RAMP1: variants seen among roughly 807,000 people sequenced by gnomAD.
RAMP1 encodes receptor activity-modifying protein 1.
RAMP1 carries 7 observed loss-of-function variants against 8.2 expected under a neutral mutation model. The ratio of observed to expected loss-of-function variants is 0.85; its 90% CI spans 0.49 to 1.60. RAMP1 has a LOEUF of 1.60. RAMP1 is among the 40% of genes most tolerant of loss of function. RAMP1 has a pLI of 0.00. For missense variants in RAMP1, 192 were observed against 202.4 expected (o/e 0.95, Z 0.31); for synonymous variants, 92 against 84.7 (o/e 1.09, Z -0.47).
chr2:237,900,906 G>A (rs934634471), intron 2 of RAMP1, among the ~76,000 whole-genome samples: 2 of 152,214 alleles, frequency 1.3e-5, no homozygotes, highest in Non-Finnish European at 2.9e-5. Flanking sequence ...AGCCGGCTGA[G>A]TCTCTGTAGA....
intron 1 of RAMP1, among the ~76,000 whole-genome samples, chr2:237,864,696 C>T (rs964676766): frequency 3.3e-5 from 5 of 152,242 alleles, no homozygotes; most frequent in African/African-American, 9.6e-5. Context: ...GGCAGCTCCC[C>T]CAGAGGATGA....
intron 2 of RAMP1, among the ~76,000 whole-genome samples, chr2:237,904,052 T>C (rs2062631516): frequency 1.3e-5 from 2 of 152,236 alleles, no homozygotes; most frequent in South Asian, 4.1e-4. Flanking sequence ...CATTCTCCTT[T>C]TTAAGAGGAG....
At chr2:237,895,508 G>A (rs918096487) in intron 2 of RAMP1, among the ~76,000 whole-genome samples, 5 of 152,176 alleles carry the variant, frequency 3.3e-5, no homozygotes, top group Admixed American at 6.5e-5. Flanking sequence ...AGCTCCAAAC[G>A]AGGTGAGATT....
chr2:237,868,590 C>CAA (rs371059895), intron 1 of RAMP1, among the ~76,000 whole-genome samples: 9 of 135,660 alleles, frequency 6.6e-5, no homozygotes, highest in East Asian at 2.2e-4. Flanking sequence ...AAAAAAAAAA[C>CAA]AAAAAAAAAA....
At chr2:237,867,885 A>G (rs1420073210) in intron 1 of RAMP1, among the ~76,000 whole-genome samples, 2 of 152,082 alleles carry the variant, frequency 1.3e-5, no homozygotes, top group African/African-American at 4.8e-5. Flanking sequence ...CCTGTGTGCT[A>G]GGATAGTCAG....
intron 2 of RAMP1, among the ~76,000 whole-genome samples, chr2:237,888,576 A>T (rs1002842391): frequency 1.3e-5 from 2 of 151,854 alleles, no homozygotes; most frequent in African/African-American, 4.8e-5. Flanking sequence ...AGTTATTTGG[A>T]ATTTGTTTTT....
rs907820299 is a variant in RAMP1 at position 237,862,523 on chromosome 2, G to T, written c.52+2796G>T. 6.6e-6 allele frequency among the ~76,000 whole-genome samples: 1 copy of T among 152,234 alleles called. No individual in the cohort carries two copies. Among genetic ancestry groups the T allele is most frequent in the Non-Finnish European group, 1.5e-5 (1 of 68,032 alleles). ...TCTTTAGTTAAGGCTAGTTGGAAAA[G>T]TCTGTCCTGATTTTTTTCCCCAGAA... On this transcript the variant is annotated intron_variant, in intron 1 of 2. Coordinates refer to ENST00000254661, the MANE Select transcript of RAMP1 (RefSeq NM_005855.4). This position sits in a 1 kb window ranked among gnomAD's most constrained non-coding sequence, Gnocchi z 4.0.
At chr2:237,885,589 G>A (rs79152143) in intron 2 of RAMP1, among the ~76,000 whole-genome samples, 2,753 of 152,346 alleles carry the variant, frequency 0.018, 89 homozygotes, top group African/African-American at 0.062. Context: ...GCCCTCAGGC[G>A]TGGACAGGAC....
Position 237,911,858 on chromosome 2 carries a change from TG to T in RAMP1, c.*77del. 6.6e-7 allele frequency: 1 copy of T among 1,508,694 alleles called. No individual in the cohort carries two copies. Among genetic ancestry groups the T allele is most frequent in the East Asian group, 2.5e-5 (1 of 40,492 alleles). 93.5% of individuals were successfully genotyped at this position (1,508,694 alleles called of 1,614,324 possible). The stretch of plus-strand genomic sequence containing the variant: ...GGCAGGCCTGGGTAGGGGCAGCTTC[TG>T]GAGCCTTGGGACAGAGCAGGCCCAC... On this transcript the variant is annotated 3_prime_UTR_variant, in exon 3 of 3. Coordinates refer to ENST00000254661, the MANE Select transcript of RAMP1 (RefSeq NM_005855.4).
At chr2:237,887,562 G>A (rs977835480) in intron 2 of RAMP1, among the ~76,000 whole-genome samples, 3 of 152,212 alleles carry the variant, frequency 2.0e-5, no homozygotes, top group Non-Finnish European at 2.9e-5. Flanking sequence ...AGTGGAGGCC[G>A]CCTCACTCTA....
At chr2:237,864,926 G>A (rs889586802) in intron 1 of RAMP1, among the ~76,000 whole-genome samples, 1 of 152,240 alleles carries the variant, frequency 6.6e-6, no homozygotes, top group Non-Finnish European at 1.5e-5. Context: ...CTGAAGCATG[G>A]TGGGGAAGAG....
chr2:237,860,502 G>A (rs1045865063), intron 1 of RAMP1, among the ~76,000 whole-genome samples: 4 of 152,158 alleles, frequency 2.6e-5, no homozygotes, highest in African/African-American at 4.8e-5. Context: ...GGCAAGAAAC[G>A]GTGCTGTTCA....
At chr2:237,872,461 C>T (rs761503053) in intron 1 of RAMP1, among the ~76,000 whole-genome samples, 1 of 152,216 alleles carries the variant, frequency 6.6e-6, no homozygotes, top group Non-Finnish European at 1.5e-5. Context: ...CTGAGGGAGG[C>T]AGACACCCTG....
intron 2 of RAMP1, among the ~76,000 whole-genome samples, chr2:237,888,038 A>G (rs1259598544): frequency 2.0e-5 from 3 of 152,070 alleles, no homozygotes; most frequent in African/African-American, 4.8e-5. Context: ...AGCATGTACC[A>G]TGAACATTCT....
chr2:237,911,567 G>A lies in RAMP1; in HGVS notation c.231G>A (p.Ala77=), dbSNP rs758477424. 97 of 1,614,030 alleles carry A rather than the reference G, an allele frequency of 6.0e-5. 1 individual carries two copies. Among genetic ancestry groups the A allele is most frequent in the South Asian group, 1.2e-4 (11 of 91,088 alleles). ...TGGCCGACTGCACCTGGCACATGGC[G>A]GAGAAGCTGGGCTGCTTCTGGCCCA... ...RELADCTWHM[A]EKLGCFWPNA... Residue 77 remains alanine, a synonymous_variant, in exon 3 of 3, where the codon GCG becomes GCA. Transcript: ENST00000254661.
intron 1 of RAMP1, among the ~76,000 whole-genome samples, chr2:237,875,909 G>A (rs1398729495): frequency 6.6e-6 from 1 of 151,950 alleles, no homozygotes; most frequent in Non-Finnish European, 1.5e-5. Flanking sequence ...GCCATTCCCT[G>A]TACTTCCTGC....
At chr2:237,904,320 G>C (rs1444128475) in intron 2 of RAMP1, among the ~76,000 whole-genome samples, 3 of 152,162 alleles carry the variant, frequency 2.0e-5, no homozygotes, top group Non-Finnish European at 4.4e-5. Context: ...TCGGGAGGCT[G>C]AGGCAGGAGA....
chr2:237,884,958 G>A (rs1466224455), intron 2 of RAMP1, among the ~76,000 whole-genome samples: 3 of 152,218 alleles, frequency 2.0e-5, no homozygotes, highest in Non-Finnish European at 2.9e-5. Flanking sequence ...GTTGGGGGAC[G>A]CAAGACAAAT....
intron 2 of RAMP1, among the ~76,000 whole-genome samples, chr2:237,889,526 G>A (rs764566502): frequency 3.3e-5 from 5 of 152,014 alleles, no homozygotes; most frequent in South Asian, 2.1e-4. Context: ...TTCTGGGGTC[G>A]TACCACGCCA....
Sources: allele counts gnomAD v4.1 joint callset (sites outside exome capture counted in the v4.1 genomes callset), GRCh38; gene constraint gnomAD v4.1.1; non-coding constraint Gnocchi (gnomAD v3.1); transcripts MANE v1.5; gene names NCBI Gene and HGNC (gene_info 2026-07-23, HGNC 2026-07-21).